Variants in LDB2 observed in about 807,000 individuals in gnomAD.
LDB2 encodes LIM domain binding 2.
Under a neutral mutation model 44.3 loss-of-function variants are expected in LDB2, and 12 were observed. The observed-to-expected ratio is 0.27, with a 90% CI of 0.17 to 0.44. LDB2 has a LOEUF of 0.44. Among genes scored for constraint, LDB2 ranks in the 20% least tolerant of loss-of-function variants. The probability of loss-of-function intolerance (pLI) is 1.00; values close to 1 mark genes in which losing one functional copy is unlikely to be tolerated. For missense variants in LDB2, 344 were observed against 473.5 expected, an observed-to-expected ratio of 0.73 and a Z score of 2.54; for synonymous variants, 164 against 174.8, an observed-to-expected ratio of 0.94 and a Z score of 0.49.
At position 16,666,415 on chromosome 4, in the gene LDB2, C is replaced by T. The variant is rs1204378418; in HGVS notation, c.236-70540G>A. 3.3e-4 allele frequency among the ~76,000 whole-genome samples: 50 copies of T among 152,188 alleles called. 1 individual carries two copies. Among genetic ancestry groups the T allele is most frequent in the Admixed American group, 3.3e-3 (50 of 15,282 alleles). On this transcript the variant is annotated intron_variant, in intron 2 of 7. Transcript: ENST00000304523. ...CGTGAGCCTGCAGCTGTCCTCCAAA[C>T]TGCAGCCTCACAACGGTAGTGACTC...
chr4:16,876,712 T>A (rs1262666536), intron 1 of LDB2, among the ~76,000 whole-genome samples: 1 of 152,038 alleles, frequency 6.6e-6, no homozygotes, highest in Non-Finnish European at 1.5e-5. Flanking sequence ...ACCACAAATC[T>A]CTAGGTACAT....
chr4:16,783,814 T>A (rs534540813), intron 1 of LDB2, among the ~76,000 whole-genome samples: 1 of 152,358 alleles, frequency 6.6e-6, no homozygotes, highest in South Asian at 2.1e-4. Flanking sequence ...CTAAAGGGAT[T>A]TGAGTGGTTT....
chr4:16,844,248 C>CAAAAAAAA (rs34034796), intron 1 of LDB2, among the ~76,000 whole-genome samples: 1 of 30,060 alleles, frequency 3.3e-5, no homozygotes, highest in African/African-American at 1.3e-4. Context: ...ACCCTGTCTC[C>CAAAAAAAA]AAAAAAAAAA....
At chr4:16,819,882 T>C (rs192895204) in intron 1 of LDB2, among the ~76,000 whole-genome samples, 39 of 152,344 alleles carry the variant, frequency 2.6e-4, no homozygotes, top group Admixed American at 6.5e-4. Flanking sequence ...AGAGTCAACA[T>C]AAATTGCGGA....
In LDB2 at chr4:16,547,182, GTGAAGAGACCCGAGGCAGAAAT is replaced by G. The variant is rs372548109; in HGVS notation, c.616-35100_616-35079del. Among the ~76,000 whole-genome samples, 438 of 152,276 alleles carry G rather than the reference GTGAAGAGACCCGAGGCAGAAAT, an allele frequency of 2.9e-3. 5 individuals carry two copies. Among genetic ancestry groups the G allele is most frequent in the African/African-American group, 0.01 (418 of 41,556 alleles). ...AGAGACACAGAGGAGAGACAGCCGTGTGAAGAGACCCGAGGCAGAAATTGGAGTTAGGCTCGCACAAGTTCAG... is the reference window on the plus strand; with the variant it reads ...AGAGACACAGAGGAGAGACAGCCGTGTGGAGTTAGGCTCGCACAAGTTCAG... On this transcript the variant is annotated intron_variant, in intron 5 of 7. Transcript: ENST00000304523.
chr4:16,838,237 T>C (rs1785241663), intron 1 of LDB2, among the ~76,000 whole-genome samples: 1 of 152,178 alleles, frequency 6.6e-6, no homozygotes, highest in African/African-American at 2.4e-5. Flanking sequence ...GGTCCTACGC[T>C]AGGAGAGGGT....
intron 1 of LDB2, among the ~76,000 whole-genome samples, chr4:16,839,440 A>G (rs1785466447): frequency 6.6e-6 from 1 of 152,152 alleles, no homozygotes; most frequent in South Asian, 2.1e-4. Context: ...TTCATGAGGG[A>G]TCCACCTCCA....
chr4:16,629,166 G>A (rs1489696203), intron 2 of LDB2, among the ~76,000 whole-genome samples: 3 of 152,232 alleles, frequency 2.0e-5, no homozygotes, highest in African/African-American at 7.2e-5. Flanking sequence ...AAGGCCTACT[G>A]CCTCTCTAGA....
chr4:16,763,214 A>G lies in LDB2; in HGVS notation c.133-3954T>C, dbSNP rs563618135. Reference sequence around the variant, plus strand: ...GCCAGGCATATAATAGGTAGATAAGATAATATTTTTGTTTGGCTGATAGAA... The same window carrying G: ...GCCAGGCATATAATAGGTAGATAAGGTAATATTTTTGTTTGGCTGATAGAA... On this transcript the variant is annotated intron_variant, in intron 1 of 7. Transcript: ENST00000304523. 2.0e-5 allele frequency among the ~76,000 whole-genome samples: 3 copies of G among 152,138 alleles called. No homozygotes were observed. In the South Asian group the frequency reaches 6.2e-4, roughly 32 times the overall value.
intron 2 of LDB2, among the ~76,000 whole-genome samples, chr4:16,675,876 C>G (rs1746161397): frequency 6.6e-6 from 1 of 152,104 alleles, no homozygotes; most frequent in Non-Finnish European, 1.5e-5. Flanking sequence ...TAGATTTCTC[C>G]ATTTCTTTAT....
intron 1 of LDB2, among the ~76,000 whole-genome samples, chr4:16,787,450 T>C (rs1336990264): frequency 1.3e-5 from 2 of 152,048 alleles, no homozygotes; most frequent in Non-Finnish European, 2.9e-5. Context: ...TCATCTCTAC[T>C]AAAAATACAA....
At chr4:16,579,303 C>T (rs1433684700) in intron 5 of LDB2, among the ~76,000 whole-genome samples, 2 of 151,904 alleles carry the variant, frequency 1.3e-5, no homozygotes, top group African/African-American at 2.4e-5. Context: ...AATATATACA[C>T]CTACTATGTA....
At chr4:16,728,628 T>C (rs895232406) in intron 2 of LDB2, among the ~76,000 whole-genome samples, 1 of 152,224 alleles carries the variant, frequency 6.6e-6, no homozygotes, top group Non-Finnish European at 1.5e-5. Context: ...ACTCACACAA[T>C]GCATCTATTC....
intron 2 of LDB2, among the ~76,000 whole-genome samples, chr4:16,626,073 G>A (rs150616748): frequency 2.5e-4 from 38 of 152,292 alleles, no homozygotes; most frequent in South Asian, 4.1e-4. Context: ...CCATGGCTTT[G>A]TGCATTATCT....
intron 2 of LDB2, among the ~76,000 whole-genome samples, chr4:16,605,493 A>T (rs1194689107): frequency 2.0e-5 from 3 of 152,212 alleles, no homozygotes; most frequent in East Asian, 1.9e-4. Context: ...AAAAAACACC[A>T]TATTACTCTC....
At chr4:16,860,221 T>A (rs1346674463) in intron 1 of LDB2, among the ~76,000 whole-genome samples, 1 of 152,238 alleles carries the variant, frequency 6.6e-6, no homozygotes, top group East Asian at 1.9e-4. Context: ...CTTTTCATAA[T>A]GCGCAATTTA....
At chr4:16,648,318 A>T (rs1012223608) in intron 2 of LDB2, among the ~76,000 whole-genome samples, 1 of 152,206 alleles carries the variant, frequency 6.6e-6, no homozygotes, top group African/African-American at 2.4e-5. Flanking sequence ...TGTCAACCAG[A>T]TCTGATAAGA....
rs200159889 is a variant in LDB2, at chr4:16,711,821, C to T, written c.235+47337G>A. On this transcript the variant is annotated intron_variant, in intron 2 of 7. Coordinates refer to ENST00000304523, the MANE Select transcript of LDB2 (RefSeq NM_001290.5). The stretch of plus-strand genomic sequence containing the variant: ...ACCAACTGATTTTAGACAAAGGTGT[C>T]AAGACAAGTCAATAGGAAAAGAATA... Among the ~76,000 whole-genome samples the T allele has an allele frequency of 9.9e-5, 15 of 152,230 alleles. No individual in the cohort carries two copies. In the East Asian group the frequency reaches 2.9e-3, roughly 29 times the overall value.
At chr4:16,589,316 G>A (rs2152430633) in intron 3 of LDB2, among the ~76,000 whole-genome samples, 1 of 152,194 alleles carries the variant, frequency 6.6e-6, no homozygotes, top group East Asian at 1.9e-4. Flanking sequence ...TTTCCAAAAC[G>A]AAATTCCGGA....
Sources: allele counts gnomAD v4.1 joint callset (sites outside exome capture counted in the v4.1 genomes callset), GRCh38; gene constraint gnomAD v4.1.1; transcripts MANE v1.5; gene names NCBI Gene and HGNC (gene_info 2026-07-23, HGNC 2026-07-21).